Variants in DLG2 observed in about 807,000 individuals in gnomAD.
The protein encoded by DLG2 is discs large MAGUK scaffold protein 2.
In DLG2, 45 loss-of-function variants were observed where a neutral mutation model predicts 132.5. The observed-to-expected ratio is 0.34, with a 90% confidence interval of 0.27 to 0.44. The LOEUF (loss-of-function observed/expected upper bound fraction) is 0.44. DLG2 is among the 20% of genes least tolerant of loss of function. The probability of loss-of-function intolerance (pLI) is 1.00; values close to 1 mark genes in which losing one functional copy is unlikely to be tolerated. For synonymous variants in DLG2, 424 were observed against 419.6 expected (o/e 1.01, Z -0.13); for missense variants, 1,045 against 1,196.9 (o/e 0.87, Z 1.87).
Position 84,838,376 on chromosome 11 carries a change from C to T in DLG2, c.357+273285G>A, listed in dbSNP as rs560719413. Among the ~76,000 whole-genome samples, 3 of 145,428 alleles carry T rather than the reference C, an allele frequency of 2.1e-5. No individual in the cohort carries two copies. The East Asian group carries it at 6.0e-4, about 29-fold the overall frequency. ...GGATCCTGTCTTTATGTGTTTTAGC[C>T]GAAGCACAAGACAGATTGAATGACT... On this transcript the variant is annotated intron_variant, in intron 6 of 27. Coordinates refer to ENST00000376104, the MANE Select transcript of DLG2 (RefSeq NM_001142699.3).
intron 3 of DLG2, among the ~76,000 whole-genome samples, chr11:85,540,305 C>A (rs184816000): frequency 1.3e-5 from 2 of 152,226 alleles, no homozygotes; most frequent in Non-Finnish European, 2.9e-5. Flanking sequence ...AAGACCCTAG[C>A]AGGCACAGAC....
At chr11:84,923,125 A>G in intron 6 of DLG2, 1 of 1,613,866 alleles carries the variant, frequency 6.2e-7, no homozygotes, top group Non-Finnish European at 8.5e-7. Context: ...ACATTGCAGT[A>G]AATAAGGAGC....
At chr11:85,097,332 AGGATCT>A (rs1281839894) in intron 6 of DLG2, among the ~76,000 whole-genome samples, 1 of 152,204 alleles carries the variant, frequency 6.6e-6, no homozygotes, top group African/African-American at 2.4e-5. Flanking sequence ...CTGGAATTTT[AGGATCT>A]CTCCTCAGAC....
chr11:83,680,993 T>C (rs979199450), intron 18 of DLG2, among the ~76,000 whole-genome samples: 1 of 152,132 alleles, frequency 6.6e-6, no homozygotes, highest in Non-Finnish European at 1.5e-5. Flanking sequence ...GAAATTACAA[T>C]AGTGTACAGG....
intron 8 of DLG2, among the ~76,000 whole-genome samples, chr11:84,213,818 C>CAAAAAAAAAAAAAA: frequency 2.1e-5 from 1 of 46,564 alleles, no homozygotes; most frequent in Non-Finnish European, 5.6e-5. Flanking sequence ...GACTCCGTCT[C>CAAAAAAAAAAAAAA]AAAAAAAAAA....
rs866995501 is a variant in DLG2, at chr11:83,769,709, G to A, written c.1825+16981C>T. 9.9e-5 allele frequency among the ~76,000 whole-genome samples: 15 copies of A among 152,004 alleles called. No individual in the cohort carries two copies. The South Asian group carries it at 1.2e-3, about 13-fold the overall frequency. On this transcript the variant is annotated intron_variant, in intron 18 of 27. Transcript: ENST00000376104. Reference sequence around the variant, plus strand: ...TTCCCAAGTAGCTGGGATTACAGGCGCCCACCACTACGCCTGGCTAAGTTT... The same window carrying A: ...TTCCCAAGTAGCTGGGATTACAGGCACCCACCACTACGCCTGGCTAAGTTT...
intron 4 of DLG2, among the ~76,000 whole-genome samples, chr11:85,236,811 T>C (rs2075610947): frequency 1.3e-5 from 2 of 152,182 alleles, no homozygotes; most frequent in South Asian, 4.1e-4. Flanking sequence ...ATTCAAAAAG[T>C]GGACTGAGAC....
At chr11:83,983,581 T>G (rs968421132) in intron 11 of DLG2, among the ~76,000 whole-genome samples, 7 of 152,040 alleles carry the variant, frequency 4.6e-5, no homozygotes, top group African/African-American at 1.7e-4. Context: ...ATATTTGAAA[T>G]GCAATGATCG....
chr11:84,285,314 A>G (rs1470673217), intron 7 of DLG2, among the ~76,000 whole-genome samples: 1 of 152,052 alleles, frequency 6.6e-6, no homozygotes, highest in Non-Finnish European at 1.5e-5. Context: ...AGCCTTCACA[A>G]CCACTTCATC....
chr11:83,746,437 T>C (rs2092916774), intron 18 of DLG2, among the ~76,000 whole-genome samples: 2 of 152,114 alleles, frequency 1.3e-5, no homozygotes, highest in South Asian at 4.1e-4. Flanking sequence ...GGGACATGGA[T>C]GAAGCTGGAA....
chr11:85,609,502 G>C (rs776203651), intron 2 of DLG2, among the ~76,000 whole-genome samples: 2 of 152,076 alleles, frequency 1.3e-5, no homozygotes, highest in African/African-American at 2.4e-5. Context: ...CCAATCACTC[G>C]GTAGGGCTTG....
chr11:84,890,003 G>A (rs1380192112), intron 6 of DLG2, among the ~76,000 whole-genome samples: 1 of 152,166 alleles, frequency 6.6e-6, no homozygotes, highest in African/African-American at 2.4e-5. Context: ...TGAAATATAT[G>A]GATAGTCATA....
intron 3 of DLG2, among the ~76,000 whole-genome samples, chr11:85,347,896 T>C (rs1203866075): frequency 4.4e-5 from 6 of 137,786 alleles, no homozygotes; most frequent in Admixed American, 2.3e-4. Context: ...CTCGACCTCC[T>C]GGGTTTAAGC....
chr11:84,609,073 A>C (rs2099590761), intron 6 of DLG2, among the ~76,000 whole-genome samples: 1 of 152,154 alleles, frequency 6.6e-6, no homozygotes, highest in South Asian at 2.1e-4. Context: ...ATGTTACTAC[A>C]TATAGTAAGA....
chr11:85,304,449 G>A (rs1180882311), intron 3 of DLG2, among the ~76,000 whole-genome samples: 3 of 152,034 alleles, frequency 2.0e-5, no homozygotes, highest in African/African-American at 2.4e-5. Context: ...GAAGGTCCAA[G>A]AATTTTAATT....
intron 11 of DLG2, among the ~76,000 whole-genome samples, chr11:83,999,541 T>C (rs1305653241): frequency 6.6e-6 from 1 of 152,130 alleles, no homozygotes; most frequent in Non-Finnish European, 1.5e-5. Flanking sequence ...ATAAGTCAAC[T>C]GGAGGCCCAA....
At chr11:84,697,204 G>A (rs888174221) in intron 6 of DLG2, among the ~76,000 whole-genome samples, 2 of 151,488 alleles carry the variant, frequency 1.3e-5, no homozygotes, top group Non-Finnish European at 3.0e-5. Flanking sequence ...AGGAACTATT[G>A]CTGGAAAAGG....
chr11:84,937,854 G>A (rs574873949), intron 6 of DLG2, among the ~76,000 whole-genome samples: 1 of 152,134 alleles, frequency 6.6e-6, no homozygotes, highest in South Asian at 2.1e-4. Context: ...AGTCTTAAAA[G>A]TACAGCATAT....
chr11:85,451,957 G>A (rs1433000277), intron 3 of DLG2, among the ~76,000 whole-genome samples: 1 of 152,020 alleles, frequency 6.6e-6, no homozygotes, highest in Admixed American at 6.6e-5. Context: ...TGCATGTTGA[G>A]TAGCTGAAAT....
Sources: allele counts gnomAD v4.1 joint callset (sites outside exome capture counted in the v4.1 genomes callset), GRCh38; gene constraint gnomAD v4.1.1; transcripts MANE v1.5; gene names NCBI Gene and HGNC (gene_info 2026-07-23, HGNC 2026-07-21).